FBXL4: variants seen among roughly 807,000 people sequenced by gnomAD.
The protein encoded by FBXL4 is F-box and leucine rich repeat protein 4.
In FBXL4, 40 loss-of-function variants were observed where a neutral mutation model predicts 58.9. The ratio of observed to expected loss-of-function variants is 0.68; its 90% CI spans 0.53 to 0.88. FBXL4 has a LOEUF of 0.88. Ranked by LOEUF, FBXL4 falls within the 40% of genes least tolerant of loss-of-function variation. FBXL4 has a pLI of 0.00. For synonymous variants in FBXL4, 263 were observed against 265.5 expected (o/e 0.99, Z 0.09); for missense variants, 676 against 734.4 (o/e 0.92, Z 0.92).
intron 4 of FBXL4, among the ~76,000 whole-genome samples, chr6:98,918,225 C>T (rs555414864): frequency 6.6e-6 from 1 of 152,200 alleles, no homozygotes; most frequent in East Asian, 1.9e-4. Flanking sequence ...TCAAATTTTT[C>T]AAGAAACTGT....
intron 5 of FBXL4, among the ~76,000 whole-genome samples, chr6:98,910,689 G>A (rs1452150699): frequency 1.3e-5 from 2 of 152,016 alleles, no homozygotes; most frequent in African/African-American, 2.4e-5. Context: ...AGTATTGTGG[G>A]GGGAGGAGCC....
At chr6:98,942,969 T>C (rs1324772539) in intron 1 of FBXL4, among the ~76,000 whole-genome samples, 1 of 152,124 alleles carries the variant, frequency 6.6e-6, no homozygotes, top group Non-Finnish European at 1.5e-5. Context: ...CAAGGTAACC[T>C]TGTGATGGAA....
At chr6:98,917,790 C>A in intron 4 of FBXL4, 71 bp from the exon 5 acceptor site, 1 of 1,079,446 alleles carries the variant, frequency 9.3e-7, no homozygotes, top group South Asian at 1.7e-5. Context: ...GGTTATAGAC[C>A]CATGCCCAAT....
At chr6:98,880,897 C>T (rs1454998032) in intron 7 of FBXL4, among the ~76,000 whole-genome samples, 3 of 152,084 alleles carry the variant, frequency 2.0e-5, no homozygotes, top group African/African-American at 7.2e-5. Flanking sequence ...TCCCTATGAC[C>T]TCTCGGTTCA....
At chr6:98,900,161 T>C (rs1018272220) in intron 6 of FBXL4, among the ~76,000 whole-genome samples, 13 of 152,208 alleles carry the variant, frequency 8.5e-5, no homozygotes, top group Non-Finnish European at 1.6e-4. Context: ...TCAGTTATGT[T>C]ATAGTTGGGG....
Position 98,871,166 on chromosome 6 carries a change from T to C in FBXL4, c.*3112A>G, listed in dbSNP as rs1770480848. The C allele has an allele frequency of 6.6e-6, 1 of 152,186 alleles. No individual in the cohort carries two copies. The highest frequency in any genetic ancestry group is 2.4e-5 in the African/African-American group (1 of 41,456). 9.4% of individuals were successfully genotyped at this position (152,186 alleles called of 1,614,324 possible). On this transcript the variant is annotated 3_prime_UTR_variant, in exon 10 of 10. Transcript: ENST00000369244. ...TGTTAACCAAGCAAGGAAAACATTTTACTAACGATAACTAAATTGTGTTTG... is the reference window on the plus strand; with the variant it reads ...TGTTAACCAAGCAAGGAAAACATTTCACTAACGATAACTAAATTGTGTTTG...
intron 7 of FBXL4, chr6:98,897,344 T>A: frequency 1.0e-6 from 1 of 985,026 alleles, no homozygotes; most frequent in Non-Finnish European, 1.2e-6. Context: ...CACAGACCAA[T>A]GAAAACACAG....
chr6:98,868,977 T>C lies in FBXL4; in HGVS notation c.*5301A>G, dbSNP rs1039040328. ...GGAATAATCTTGGCCCCATCCCTAC[T>C]TATAAAAAATATATAATAAATCATG... On this transcript the variant is annotated 3_prime_UTR_variant, in exon 10 of 10. Coordinates refer to ENST00000369244, the MANE Select transcript of FBXL4 (RefSeq NM_001278716.2). 2.0e-5 allele frequency: 3 copies of C among 152,196 alleles called. No homozygotes were observed. The highest frequency in any genetic ancestry group is 4.4e-5 in the Non-Finnish European group (3 of 68,030). The allele number at this position is 152,196 out of a possible 1,614,324, so 9.4% of individuals were successfully genotyped here.
chr6:98,880,747 G>A (rs1046414315), intron 7 of FBXL4, 123 bp from the exon 8 acceptor site: 1 of 769,928 alleles, frequency 1.3e-6, no homozygotes, highest in African/African-American at 1.7e-5. Flanking sequence ...CAAAAGCTAG[G>A]TTACAGAGTC....
At chr6:98,907,946 G>A (rs1771875937) in intron 5 of FBXL4, among the ~76,000 whole-genome samples, 1 of 152,068 alleles carries the variant, frequency 6.6e-6, no homozygotes, top group Non-Finnish European at 1.5e-5. Flanking sequence ...TCTGCTCCTT[G>A]GCTATTAATT....
intron 8 of FBXL4, among the ~76,000 whole-genome samples, chr6:98,876,767 T>C (rs1471798078): frequency 2.0e-5 from 3 of 152,024 alleles, no homozygotes; most frequent in African/African-American, 4.8e-5. Flanking sequence ...GTTGATGCAT[T>C]CGAGGAACAA....
rs1218568168 is a variant in FBXL4, at chr6:98,874,196, C to T, written c.*82G>A. On this transcript the variant is annotated 3_prime_UTR_variant, in exon 10 of 10. Transcript: ENST00000369244. ...AATGTCTTAATTCTTACCATTAAAA[C>T]AACTAAAAACAAAACCCAAAACCAA... is the stretch of plus-strand genomic sequence containing the variant. The T allele has an allele frequency of 9.3e-7, 1 of 1,077,076 alleles. No individual in the cohort carries two copies. Among genetic ancestry groups the T allele is most frequent in the Non-Finnish European group, 1.3e-6 (1 of 780,196 alleles). The allele number at this position is 1,077,076 out of a possible 1,614,324, so 66.7% of individuals were successfully genotyped here.
rs953711104 is a variant in FBXL4, at chr6:98,869,686, A to C, written c.*4592T>G. ...ATATACACACATACATGGTAGCCAAATGGAAATTTTACTGACTCTTTGATT... is the reference window on the plus strand; with the variant it reads ...ATATACACACATACATGGTAGCCAACTGGAAATTTTACTGACTCTTTGATT... On this transcript the variant is annotated 3_prime_UTR_variant, in exon 10 of 10. Transcript: ENST00000369244. 6.6e-6 allele frequency: 1 copy of C among 152,188 alleles called. No homozygotes were observed. The highest frequency in any genetic ancestry group is 2.4e-5 in the African/African-American group (1 of 41,452). The allele number at this position is 152,188 out of a possible 1,614,324, so 9.4% of individuals were successfully genotyped here.
intron 1 of FBXL4, among the ~76,000 whole-genome samples, chr6:98,943,717 G>A (rs1773518305): frequency 6.6e-6 from 1 of 151,474 alleles, no homozygotes; most frequent in Admixed American, 6.6e-5. Context: ...GGTGTAAAAT[G>A]ACTGAAAATA....
chr6:98,943,730 CATA>C (rs1460306671), intron 1 of FBXL4, among the ~76,000 whole-genome samples: 4 of 151,050 alleles, frequency 2.6e-5, no homozygotes, highest in Non-Finnish European at 5.9e-5. Context: ...TGAAAATAAA[CATA>C]ATAAACATAT....
In FBXL4 at chr6:98,872,186, A is replaced by C. The variant is rs1342570991; in HGVS notation, c.*2092T>G. On this transcript the variant is annotated 3_prime_UTR_variant, in exon 10 of 10. Transcript: ENST00000369244. Reference sequence around the variant, plus strand: ...GTATTTTTTGGAGTTTGCAAATGTAAAGGAAATTTCCATTTTTCAAAATCA... The same window carrying C: ...GTATTTTTTGGAGTTTGCAAATGTACAGGAAATTTCCATTTTTCAAAATCA... The C allele has an allele frequency of 2.6e-5, 4 of 152,224 alleles. No individual in the cohort carries two copies. The highest frequency in any genetic ancestry group is 9.6e-5 in the African/African-American group (4 of 41,462). The allele number at this position is 152,224 out of a possible 1,614,324, so 9.4% of individuals were successfully genotyped here. A position where few individuals can be genotyped will look rare whatever the true frequency, so the allele number is the denominator to read the frequency against.
intron 7 of FBXL4, among the ~76,000 whole-genome samples, chr6:98,888,798 T>C (rs2128383954): frequency 6.6e-6 from 1 of 152,322 alleles, no homozygotes; most frequent in African/African-American, 2.4e-5. Flanking sequence ...TAATTTCTTC[T>C]ACAGAATTAC....
At chr6:98,940,056 G>C (rs1773376021) in intron 1 of FBXL4, among the ~76,000 whole-genome samples, 1 of 152,198 alleles carries the variant, frequency 6.6e-6, no homozygotes, top group African/African-American at 2.4e-5. Context: ...GCAAATGGAA[G>C]CATGTACATT....
chr6:98,905,142 A>T (rs905422893), intron 6 of FBXL4, among the ~76,000 whole-genome samples: 1 of 152,228 alleles, frequency 6.6e-6, no homozygotes, highest in African/African-American at 2.4e-5. Context: ...AATATGAAAA[A>T]GAAGAAACAG....
Sources: gnomAD v4.1 joint callset for allele counts (sites outside exome capture counted in the v4.1 genomes callset) on GRCh38, gnomAD v4.1.1 for gene constraint, MANE v1.5 for transcripts, NCBI Gene and HGNC (gene_info 2026-07-23, HGNC 2026-07-21) for gene names.